SND1: variants seen among roughly 807,000 people sequenced by gnomAD.
The protein encoded by SND1 is staphylococcal nuclease domain-containing protein 1.
Under a neutral mutation model 121.7 loss-of-function variants are expected in SND1, and 38 were observed. The ratio of observed to expected loss-of-function variants is 0.31; its 90% confidence interval spans 0.24 to 0.41. The LOEUF (loss-of-function observed/expected upper bound fraction) is 0.41. Ranked by LOEUF, SND1 falls within the 10% of genes least tolerant of loss-of-function variation. SND1 has a pLI of 1.00. For synonymous variants in SND1, 401 were observed against 447.4 expected, an observed-to-expected ratio of 0.90 and a Z score of 1.31; for missense variants, 868 against 1,184.6, an observed-to-expected ratio of 0.73 and a Z score of 3.92.
chr7:127,857,600 C>T (rs1048153699), intron 12 of SND1, among the ~76,000 whole-genome samples: 1 of 151,632 alleles, frequency 6.6e-6, no homozygotes, highest in African/African-American at 2.4e-5. Context: ...GGACCCCTGA[C>T]AGGCACCTCC....
chr7:127,730,786 A>G (rs985931914), intron 10 of SND1, among the ~76,000 whole-genome samples: 1 of 152,168 alleles, frequency 6.6e-6, no homozygotes, highest in Non-Finnish European at 1.5e-5. Flanking sequence ...GTCTCATTGC[A>G]TCCTCACTGG....
At chr7:127,857,538 G>A (rs1470038968) in intron 12 of SND1, among the ~76,000 whole-genome samples, 1 of 148,376 alleles carries the variant, frequency 6.7e-6, no homozygotes, top group Non-Finnish European at 1.5e-5. Context: ...TTTCTTCGTA[G>A]CACAGTTGGG....
intron 16 of SND1, chr7:127,997,643 G>A (rs377312165): frequency 4.0e-6 from 2 of 495,996 alleles, no homozygotes; most frequent in African/African-American, 2.0e-5. Context: ...TTGCCTCTGG[G>A]ATAAAGTCTT....
At chr7:128,088,518 T>C (rs1436540308) in intron 21 of SND1, among the ~76,000 whole-genome samples, 1 of 137,126 alleles carries the variant, frequency 7.3e-6, no homozygotes, top group Non-Finnish European at 1.5e-5. Context: ...AGTGGCACAA[T>C]CTCGGCTCAC....
intron 16 of SND1, among the ~76,000 whole-genome samples, chr7:128,023,008 C>A (rs894013189): frequency 6.6e-6 from 1 of 152,178 alleles, no homozygotes; most frequent in African/African-American, 2.4e-5. Flanking sequence ...GTTGATCTCC[C>A]TGCTTTTCTT....
intron 14 of SND1, among the ~76,000 whole-genome samples, chr7:127,915,054 A>G (rs1004926145): frequency 1.3e-5 from 2 of 151,878 alleles, no homozygotes; most frequent in African/African-American, 2.4e-5. Flanking sequence ...TCTCAGCTCT[A>G]TTTCCCAGGC....
chr7:127,881,640 A>T (rs12706821), intron 12 of SND1, among the ~76,000 whole-genome samples: 36,868 of 152,080 alleles, frequency 0.24, 4,836 homozygotes, highest in Middle Eastern at 0.33. Context: ...GGCAAATGCA[A>T]AACACACAGT....
At chr7:127,700,064 G>A (rs910617044) in intron 4 of SND1, among the ~76,000 whole-genome samples, 2 of 152,138 alleles carry the variant, frequency 1.3e-5, no homozygotes, top group African/African-American at 4.8e-5. Flanking sequence ...TGCCAAATTT[G>A]TATCTTAAGG....
chr7:128,043,172 G>A (rs1314004274), intron 16 of SND1, among the ~76,000 whole-genome samples: 1 of 152,116 alleles, frequency 6.6e-6, no homozygotes. Flanking sequence ...TTAATCAGGT[G>A]CCCATCTCAG....
chr7:128,051,123 C>T (rs1007046195), intron 16 of SND1, among the ~76,000 whole-genome samples: 1 of 152,214 alleles, frequency 6.6e-6, no homozygotes, highest in African/African-American at 2.4e-5. Flanking sequence ...GAGCTTCCCA[C>T]AGCTTCCCAG....
At chr7:127,914,023 GC>G (rs1800515766) in intron 14 of SND1, among the ~76,000 whole-genome samples, 1 of 152,156 alleles carries the variant, frequency 6.6e-6, no homozygotes, top group African/African-American at 2.4e-5. Flanking sequence ...GCTTTGAAAT[GC>G]CCTGGTCGTT....
intron 11 of SND1, among the ~76,000 whole-genome samples, chr7:127,841,777 C>T (rs997703279): frequency 6.6e-6 from 1 of 152,132 alleles, no homozygotes; most frequent in Non-Finnish European, 1.5e-5. Flanking sequence ...TGTTCAATCC[C>T]CCTGTCTGAA....
intron 14 of SND1, among the ~76,000 whole-genome samples, chr7:127,918,055 C>CTTTTTTTTTTT (rs11375840): frequency 4.2e-5 from 6 of 142,380 alleles, no homozygotes; most frequent in African/African-American, 7.7e-5. Context: ...TAGATTTTTT[C>CTTTTTTTTTTT]TTTTTTTTTT....
At chr7:127,915,994 ATATGTGTG>A (rs1487960693) in intron 14 of SND1, among the ~76,000 whole-genome samples, 4 of 75,392 alleles carry the variant, frequency 5.3e-5, no homozygotes, top group Non-Finnish European at 1.1e-4. Flanking sequence ...TTAGAACAGC[ATATGTGTG>A]TGTGTGTGTG....
At chr7:127,850,526 C>T (rs1392204689) in intron 12 of SND1, among the ~76,000 whole-genome samples, 1 of 152,140 alleles carries the variant, frequency 6.6e-6, no homozygotes, top group African/African-American at 2.4e-5. Flanking sequence ...TTTTTCCCCA[C>T]AGATTGATGA....
At chr7:128,084,077 C>CTTGTT (rs1793649706) in intron 18 of SND1, among the ~76,000 whole-genome samples, 1 of 152,204 alleles carries the variant, frequency 6.6e-6, no homozygotes, top group East Asian at 1.9e-4. Context: ...CACTGGAAGT[C>CTTGTT]CTGTTCAGCA....
In SND1 at chr7:127,964,267, C is replaced by T. The variant is rs1240774501; in HGVS notation, c.1670-26680C>T. 6.0e-5 allele frequency among the ~76,000 whole-genome samples: 9 copies of T among 151,134 alleles called. No homozygotes were observed. The East Asian group carries it at 1.6e-3, about 26-fold the overall frequency. ...GAAGCTCTTGAGTTTAATTAGATCC[C>T]ATTTGTCAATTTTGGCTTTTGTTGC... is the stretch of plus-strand genomic sequence containing the variant. On this transcript the variant is annotated intron_variant, in intron 15 of 23. Transcript: ENST00000354725.
At chr7:127,749,222 A>C (rs1186910263) in intron 10 of SND1, among the ~76,000 whole-genome samples, 2 of 152,016 alleles carry the variant, frequency 1.3e-5, no homozygotes, top group African/African-American at 2.4e-5. Flanking sequence ...ATGGGGTCTC[A>C]CCATGTTGCC....
chr7:127,917,563 T>C (rs1225352809), intron 14 of SND1, among the ~76,000 whole-genome samples: 1 of 152,196 alleles, frequency 6.6e-6, no homozygotes, highest in Non-Finnish European at 1.5e-5. Context: ...CACACCTGGC[T>C]AATTTTTAAA....
Sources: gnomAD v4.1 joint callset for allele counts (sites outside exome capture counted in the v4.1 genomes callset) on GRCh38, gnomAD v4.1.1 for gene constraint, MANE v1.5 for transcripts, NCBI Gene and HGNC (gene_info 2026-07-23, HGNC 2026-07-21) for gene names.